TMCO1: variants seen among roughly 807,000 people sequenced by gnomAD.
TMCO1 encodes calcium load-activated calcium channel.
TMCO1 carries 29 observed loss-of-function variants against 29.3 expected under a neutral mutation model. That is an observed-to-expected ratio of 0.99 (90% CI 0.74 to 1.35). The LOEUF (loss-of-function observed/expected upper bound fraction) is 1.35, where lower values mean the gene tolerates loss of function less well. Among genes scored for constraint, TMCO1 ranks in the 40% most tolerant of loss-of-function variants. The pLI is 0.00. For missense variants in TMCO1, 173 were observed against 225.5 expected, an observed-to-expected ratio of 0.77 and a Z score of 1.49; for synonymous variants, 80 against 77.1, an observed-to-expected ratio of 1.04 and a Z score of -0.20.
chr1:165,763,008 C>T (rs1652449683), intron 2 of TMCO1, among the ~76,000 whole-genome samples: 1 of 152,202 alleles, frequency 6.6e-6, no homozygotes, highest in Non-Finnish European at 1.5e-5. Context: ...CAACTCACTA[C>T]CTTTAAGAAA....
chr1:165,730,015 A>G (rs967834873), intron 6 of TMCO1, among the ~76,000 whole-genome samples: 4 of 151,992 alleles, frequency 2.6e-5, no homozygotes, highest in African/African-American at 4.8e-5. Context: ...GATGACTACT[A>G]TGGATAAGAA....
In TMCO1 at chr1:165,743,232, C is replaced by T; in HGVS notation, c.403G>A (p.Gly135Arg). 6.2e-7 allele frequency: 1 copy of T among 1,613,760 alleles called. No individual in the cohort carries two copies. Among genetic ancestry groups the T allele is most frequent in the Non-Finnish European group, 8.5e-7 (1 of 1,179,930 alleles). Residue 135 changes from glycine (G) to arginine (R), a missense_variant, in exon 6 of 7, where the codon GGA (glycine) becomes AGA (arginine). Physicochemically the swap from Gly to Arg is moderately radical, Grantham distance 125. Coordinates refer to ENST00000367881, the MANE Select transcript of TMCO1 (RefSeq NM_019026.6). ...IQGLSHRNLL[G>R]DDTTDCSFIF... is the part of the protein sequence containing the mutation. ...AAGGAACAGTCTGTGGTGTCATCTCCCAGCAGATTTCGATGAGACAGTCCT... is the reference window on the plus strand; with the variant it reads ...AAGGAACAGTCTGTGGTGTCATCTCTCAGCAGATTTCGATGAGACAGTCCT...
intron 5 of TMCO1, among the ~76,000 whole-genome samples, chr1:165,745,391 C>T (rs1651758708): frequency 6.8e-6 from 1 of 147,216 alleles, no homozygotes; most frequent in Admixed American, 7.0e-5. Context: ...AATCCCAGCA[C>T]TTTGAGAGGC....
At chr1:165,768,119 A>C in intron 2 of TMCO1, 73 bp downstream of exon 2, 1 of 1,299,314 alleles carries the variant, frequency 7.7e-7, no homozygotes, top group Non-Finnish European at 1.1e-6. Flanking sequence ...GGTGCTCTTA[A>C]AATATTTATT....
intron 5 of TMCO1, among the ~76,000 whole-genome samples, chr1:165,751,750 A>C (rs1652000619): frequency 6.6e-6 from 1 of 151,978 alleles, no homozygotes. Context: ...TGATTTTGAT[A>C]ATTGTTTTGA....
intron 4 of TMCO1, 74 bp from the exon 5 acceptor site, chr1:165,752,243 T>C (rs907266858): frequency 8.8e-7 from 1 of 1,134,238 alleles, no homozygotes; most frequent in Non-Finnish European, 1.3e-6. Flanking sequence ...AAAGTTTTGG[T>C]TTCATGTCAT....
chr1:165,728,763 G>A (rs73020513), intron 6 of TMCO1, among the ~76,000 whole-genome samples: 2,015 of 151,978 alleles, frequency 0.013, 51 homozygotes, highest in African/African-American at 0.047. Flanking sequence ...CTTTGAGTAC[G>A]GGTCTGCTGG....
downstream of TMCO1, chr1:165,724,593 GC>G (rs1403882461): frequency 2.2e-6 from 1 of 453,924 alleles, no homozygotes; most frequent in Non-Finnish European, 4.4e-6. Context: ...CTGGGGTGGG[GC>G]CCAGCAGTTT....
intron 5 of TMCO1, among the ~76,000 whole-genome samples, chr1:165,750,570 A>G (rs1651958166): frequency 6.6e-6 from 1 of 151,396 alleles, no homozygotes; most frequent in Non-Finnish European, 1.5e-5. Context: ...AAAAAAAAGT[A>G]CATCCATTCA....
At chr1:165,751,078 C>T (rs1367072594) in intron 5 of TMCO1, among the ~76,000 whole-genome samples, 1 of 152,040 alleles carries the variant, frequency 6.6e-6, no homozygotes, top group Non-Finnish European at 1.5e-5. Flanking sequence ...CGAACAACAA[C>T]AACAAAAAGA....
At chr1:165,764,644 TA>T (rs1418181381) in intron 2 of TMCO1, among the ~76,000 whole-genome samples, 1 of 151,794 alleles carries the variant, frequency 6.6e-6, no homozygotes, top group Non-Finnish European at 1.5e-5. Flanking sequence ...CATGAATGAA[TA>T]GAGAATAGGG....
chr1:165,760,817 A>G (rs916912671), intron 2 of TMCO1, among the ~76,000 whole-genome samples: 43 of 152,284 alleles, frequency 2.8e-4, no homozygotes, highest in African/African-American at 9.6e-4. Context: ...AAAAAAAAGA[A>G]AGAAAAAGAA....
At position 165,749,387 on chromosome 1, in the gene TMCO1, T is replaced by C. The variant is rs539612920; in HGVS notation, c.323+2715A>G. 1.1e-3 allele frequency among the ~76,000 whole-genome samples: 164 copies of C among 152,352 alleles called. 1 individual carries two copies. Among genetic ancestry groups the C allele is most frequent in the Non-Finnish European group, 2.1e-3 (140 of 68,040 alleles). On this transcript the variant is annotated intron_variant, in intron 5 of 6. Coordinates refer to ENST00000367881, the MANE Select transcript of TMCO1 (RefSeq NM_019026.6). ...CTACTGATACGTAATAAACAAGTCA[T>C]TTCAAATCATCAGGGAAAAGATGAT... is the stretch of plus-strand genomic sequence containing the variant.
intron 2 of TMCO1, 110 bp from the exon 3 acceptor site, chr1:165,759,694 C>T (rs1472212036): frequency 1.1e-6 from 1 of 872,704 alleles, no homozygotes; most frequent in African/African-American, 1.7e-5. Flanking sequence ...AAGTTACACA[C>T]TGACTGATTA....
At chr1:165,724,884 A>C (rs1012088232), downstream of TMCO1, 3 of 453,842 alleles carry the variant, frequency 6.6e-6, no homozygotes, top group Non-Finnish European at 1.3e-5. Context: ...AATAATACAG[A>C]AAGGGCAGAA....
rs752773603 is a variant in TMCO1 at position 165,727,703 on chromosome 1, C to T, written c.*320G>A. 3.5e-5 allele frequency: 16 copies of T among 454,842 alleles called. No individual in the cohort carries two copies. The highest frequency in any genetic ancestry group is 2.3e-4 in the South Asian group (15 of 64,476). 28.2% of individuals were successfully genotyped at this position (454,842 alleles called of 1,614,324 possible). A position where few individuals can be genotyped will look rare whatever the true frequency, so the allele number is the denominator to read the frequency against. On this transcript the variant is annotated 3_prime_UTR_variant, in exon 7 of 7. Transcript: ENST00000367881. ...AGACAGCCAACTTGCAGGGCATACA[C>T]AGTGCCTTGAGAGTCGGTCCCACAG...
intron 5 of TMCO1, among the ~76,000 whole-genome samples, chr1:165,747,530 T>G (rs1205788514): frequency 1.3e-5 from 2 of 152,190 alleles, no homozygotes; most frequent in Non-Finnish European, 2.9e-5. Context: ...GACACTTGAT[T>G]GATTCTAAAA....
intron 6 of TMCO1, among the ~76,000 whole-genome samples, chr1:165,739,081 A>G (rs993858974): frequency 8.5e-5 from 13 of 152,162 alleles, no homozygotes; most frequent in African/African-American, 3.1e-4. Flanking sequence ...ACTGAAAACA[A>G]ACATATGAAA....
At chr1:165,728,384 G>A (rs186738581) in intron 6 of TMCO1, among the ~76,000 whole-genome samples, 1 of 151,874 alleles carries the variant, frequency 6.6e-6, no homozygotes, top group Admixed American at 6.6e-5. Flanking sequence ...AGCCTCCCGA[G>A]TAGCTGGGAC....
Sources: allele counts gnomAD v4.1 joint callset (sites outside exome capture counted in the v4.1 genomes callset), GRCh38; gene constraint gnomAD v4.1.1; transcripts MANE v1.5; gene names NCBI Gene and HGNC (gene_info 2026-07-23, HGNC 2026-07-21).